RBFOX1: variants seen among roughly 807,000 people sequenced by gnomAD.
RBFOX1 encodes the protein RNA binding protein fox-1 homolog 1.
A neutral mutation model predicts 57.7 loss-of-function variants in RBFOX1; 8 were observed. The ratio of observed to expected loss-of-function variants is 0.14; its 90% CI spans 0.08 to 0.25. The LOEUF (loss-of-function observed/expected upper bound fraction) is 0.25, where lower values mean the gene tolerates loss of function less well. RBFOX1 is among the 10% of genes least tolerant of loss of function. The pLI is 1.00. For missense variants in RBFOX1, 611 were observed against 548.5 expected, an observed-to-expected ratio of 1.11 and a Z score of -1.14; for synonymous variants, 326 against 222.4, an observed-to-expected ratio of 1.47 and a Z score of -4.15.
chr16:5,732,919 C>G (rs189586318), intron 3 of RBFOX1, among the ~76,000 whole-genome samples: 6 of 152,186 alleles, frequency 3.9e-5, no homozygotes, highest in Admixed American at 3.3e-4. Context: ...GAATGCCTGC[C>G]TTATTATCCA....
chr16:5,352,481 C>G (rs879129478), intron 1 of RBFOX1, among the ~76,000 whole-genome samples: 1 of 152,188 alleles, frequency 6.6e-6, no homozygotes, highest in Admixed American at 6.5e-5. Context: ...TTTTCTTGCA[C>G]TCTCTGTCTC....
intron 3 of RBFOX1, among the ~76,000 whole-genome samples, chr16:6,977,846 G>C (rs553392583): frequency 4.0e-4 from 60 of 150,324 alleles, no homozygotes; most frequent in African/African-American, 1.4e-3. Context: ...TTGAAAAGCT[G>C]CTTCCCAATC....
At chr16:7,411,197 C>G (rs2098421413) in intron 4 of RBFOX1, among the ~76,000 whole-genome samples, 1 of 151,882 alleles carries the variant, frequency 6.6e-6, no homozygotes, top group African/African-American at 2.4e-5. Flanking sequence ...CTGCCCTTCT[C>G]AGCCTCCCAA....
chr16:7,546,681 A>G (rs2084646417), intron 5 of RBFOX1, among the ~76,000 whole-genome samples: 1 of 152,186 alleles, frequency 6.6e-6, no homozygotes. Flanking sequence ...ATTCCGAGTC[A>G]TTATTCAATG....
chr16:6,372,921 A>T (rs1039891804), intron 2 of RBFOX1, among the ~76,000 whole-genome samples: 1 of 150,644 alleles, frequency 6.6e-6, no homozygotes, highest in Admixed American at 6.6e-5. Context: ...GTTGGTTAGG[A>T]TTGTTGGGTA....
intron 4 of RBFOX1, among the ~76,000 whole-genome samples, chr16:7,336,891 C>G (rs189915440): frequency 6.6e-6 from 1 of 152,146 alleles, no homozygotes; most frequent in African/African-American, 2.4e-5. Context: ...TATAGACTTT[C>G]TTTATCCCAG....
chr16:6,761,807 C>G (rs1012717476), intron 3 of RBFOX1, among the ~76,000 whole-genome samples: 2 of 151,788 alleles, frequency 1.3e-5, no homozygotes, highest in African/African-American at 2.4e-5. Flanking sequence ...GCCTGGCCCT[C>G]TCTCTCCTTG....
At chr16:6,491,928 A>G (rs186658974) in intron 2 of RBFOX1, among the ~76,000 whole-genome samples, 6 of 152,304 alleles carry the variant, frequency 3.9e-5, no homozygotes, top group Non-Finnish European at 7.4e-5. Flanking sequence ...TAACTCTCCT[A>G]TTAGGATTAA....
At chr16:5,323,745 C>T (rs922043215) in intron 1 of RBFOX1, among the ~76,000 whole-genome samples, 1 of 152,214 alleles carries the variant, frequency 6.6e-6, no homozygotes, top group Non-Finnish European at 1.5e-5. Context: ...TCAACAAAAC[C>T]GATTCCTACA....
At chr16:6,783,538 C>G (rs76339501) in intron 3 of RBFOX1, among the ~76,000 whole-genome samples, 10,419 of 151,706 alleles carry the variant, frequency 0.069, 645 homozygotes, top group East Asian at 0.23. Flanking sequence ...AAACTAAATT[C>G]TACGCTTTAT....
rs142947553 is a variant in RBFOX1, at chr16:6,982,867, C to A, written c.-15-69190C>A. Among the ~76,000 whole-genome samples, 186 of 151,882 alleles carry A rather than the reference C, an allele frequency of 1.2e-3. 1 individual carries two copies. The highest frequency in any genetic ancestry group is 3.3e-3 in the Admixed American group (50 of 15,236). On this transcript the variant is annotated intron_variant, in intron 3 of 15. Transcript: ENST00000550418. ...AATTAGCTGGGCATGGTGGCGGATG[C>A]CTGTAATCCAAGATACTTGGGAGGC...
At chr16:7,026,491 C>G (rs903687993) in intron 3 of RBFOX1, among the ~76,000 whole-genome samples, 1 of 151,980 alleles carries the variant, frequency 6.6e-6, no homozygotes, top group East Asian at 1.9e-4. Context: ...TCCAATCTGC[C>G]TCTTTTCTTC....
At chr16:5,886,980 T>C (rs1273538179) in intron 4 of RBFOX1, among the ~76,000 whole-genome samples, 1 of 152,218 alleles carries the variant, frequency 6.6e-6, no homozygotes, top group Admixed American at 6.5e-5. Context: ...ATTGACATTC[T>C]GGGCCAGCCA....
chr16:7,525,028 T>C (rs943326588), intron 5 of RBFOX1, among the ~76,000 whole-genome samples: 1 of 152,238 alleles, frequency 6.6e-6, no homozygotes, highest in African/African-American at 2.4e-5. Flanking sequence ...TCTTAGTCTC[T>C]GTGCCAGAAA....
intron 1 of RBFOX1, among the ~76,000 whole-genome samples, chr16:6,069,330 G>T (rs1182348029): frequency 6.6e-6 from 1 of 150,398 alleles, no homozygotes. Context: ...CCTGGAAGGC[G>T]GAGGTTGCAG....
intron 4 of RBFOX1, among the ~76,000 whole-genome samples, chr16:6,005,455 T>C (rs2060676995): frequency 6.6e-6 from 1 of 152,232 alleles, no homozygotes; most frequent in Non-Finnish European, 1.5e-5. Flanking sequence ...GCTCATGGTC[T>C]AGCTGGGAAG....
At chr16:6,486,787 C>T (rs1303175650) in intron 2 of RBFOX1, among the ~76,000 whole-genome samples, 1 of 150,724 alleles carries the variant, frequency 6.6e-6, no homozygotes, top group East Asian at 2.0e-4. Flanking sequence ...CTTTCATTTT[C>T]ATGCAGGGTT....
chr16:5,736,397 G>A lies in RBFOX1; in HGVS notation c.319-130906G>A, dbSNP rs189749903. On this transcript the variant is annotated intron_variant, in intron 3 of 19. Coordinates refer to the RBFOX1 transcript ENST00000641259. ...AAAGTGCACCCGAGTAGCACTGGGT[G>A]TGGGGTGATGGGAGGTGTGATTCAG... 2.0e-5 allele frequency among the ~76,000 whole-genome samples: 3 copies of A among 152,194 alleles called. No homozygotes were observed. The East Asian group carries it at 5.8e-4, about 30-fold the overall frequency.
intron 2 of RBFOX1, among the ~76,000 whole-genome samples, chr16:5,549,830 G>A (rs2045385883): frequency 6.6e-6 from 1 of 152,154 alleles, no homozygotes; most frequent in South Asian, 2.1e-4. Context: ...TGAGTTACTG[G>A]GAAGGATGGA....
Sources: allele counts gnomAD v4.1 joint callset (sites outside exome capture counted in the v4.1 genomes callset), GRCh38; gene constraint gnomAD v4.1.1; transcripts MANE v1.5; gene names NCBI Gene and HGNC (gene_info 2026-07-23, HGNC 2026-07-21).